The following PRKN variants were observed in gnomAD, a reference collection of about 807,000 sequenced individuals.
PRKN encodes the protein parkin RBR E3 ubiquitin protein ligase.
A neutral mutation model predicts 59.5 loss-of-function variants in PRKN; 56 were observed. The observed-to-expected ratio is 0.94, with a 90% CI of 0.76 to 1.18. The LOEUF (loss-of-function observed/expected upper bound fraction) is 1.18. Among genes scored for constraint, PRKN ranks in the 50% most tolerant of loss-of-function variants. The pLI is 0.00. For missense variants in PRKN, 657 were observed against 596.4 expected (o/e 1.10, Z -1.06); for synonymous variants, 250 against 222.1 (o/e 1.13, Z -1.12).
At chr6:161,877,369 C>T (rs968907816) in intron 6 of PRKN, among the ~76,000 whole-genome samples, 5 of 152,126 alleles carry the variant, frequency 3.3e-5, no homozygotes, top group South Asian at 4.2e-4. Context: ...TCCAGGGAAA[C>T]ACCTCTCCAA....
At chr6:162,487,790 G>A (rs560396964) in intron 1 of PRKN, among the ~76,000 whole-genome samples, 3 of 151,844 alleles carry the variant, frequency 2.0e-5, no homozygotes, top group Non-Finnish European at 4.4e-5. Flanking sequence ...ATAAAATAAC[G>A]CCTGGCTGGG....
chr6:162,114,948 G>A (rs1422298690), intron 4 of PRKN, among the ~76,000 whole-genome samples: 1 of 151,636 alleles, frequency 6.6e-6, no homozygotes, highest in Non-Finnish European at 1.5e-5. Flanking sequence ...GATTCCTCAG[G>A]GATCTAGAAC....
chr6:162,624,413 C>T (rs1412057249), intron 1 of PRKN: 1 of 152,082 alleles, frequency 6.6e-6, no homozygotes, highest in Non-Finnish European at 1.5e-5. Context: ...ATTTGTTTAA[C>T]ATTTCCATGT....
chr6:161,572,654 C>G (rs192689181), intron 7 of PRKN, among the ~76,000 whole-genome samples: 1 of 139,964 alleles, frequency 7.1e-6, no homozygotes, highest in Admixed American at 6.9e-5. Context: ...CAGCAAGACT[C>G]TGTCTCAATA....
chr6:161,973,321 T>C lies in PRKN; in HGVS notation c.715A>G (p.Ile239Val), dbSNP rs1476658565. Residue 239 changes from isoleucine to valine, a missense_variant, in exon 6 of 12, where the codon ATT (isoleucine) becomes GTT (valine). By Grantham distance (29) the Ile-to-Val change is conservative (BLOSUM62 3). Transcript: ENST00000366898. ...CCTTACCTGACGTCTGTGCACGTAA[T>C]GCAAGTGATGTTCCGACTATTTGTT... ...IATNSRNITCITCTDVRSPVL... is the reference protein window; with the variant it reads ...IATNSRNITCVTCTDVRSPVL... 3.7e-6 allele frequency: 6 copies of C among 1,612,136 alleles called. No individual in the cohort carries two copies. In the African/African-American group the frequency reaches 4.0e-5, roughly 11 times the overall value.
intron 9 of PRKN, among the ~76,000 whole-genome samples, chr6:161,491,291 C>A (rs1260357875): frequency 6.6e-6 from 1 of 152,166 alleles, no homozygotes; most frequent in Non-Finnish European, 1.5e-5. Context: ...GGATCGTACT[C>A]ATTCATTTCC....
chr6:162,233,100 A>G (rs984695125), intron 3 of PRKN, among the ~76,000 whole-genome samples: 7 of 152,212 alleles, frequency 4.6e-5, no homozygotes, highest in African/African-American at 1.4e-4. Context: ...CCATTGATAG[A>G]GTCCTATAGT....
At chr6:162,678,644 G>T (rs1028654636) in intron 1 of PRKN, among the ~76,000 whole-genome samples, 1 of 152,162 alleles carries the variant, frequency 6.6e-6, no homozygotes, top group Admixed American at 6.5e-5. Flanking sequence ...TTATTGGGTT[G>T]TTTTAGTATT....
chr6:161,619,022 AGCAGATGCTCTTCACTTGGAAGAG>A (rs1484296150), intron 7 of PRKN, among the ~76,000 whole-genome samples: 6 of 152,148 alleles, frequency 3.9e-5, no homozygotes, highest in Non-Finnish European at 8.8e-5. Context: ...GGCAGAGGGC[AGCAGATGCTCTTCACTTGGAAGAG>A]ACAGAAAGTC....
intron 1 of PRKN, among the ~76,000 whole-genome samples, chr6:162,528,080 A>AGGGGGGG: frequency 3.7e-5 from 1 of 27,140 alleles, no homozygotes; most frequent in South Asian, 9.7e-4. Context: ...GGGGGGCGGG[A>AGGGGGGG]GGGGTGCGGG....
intron 7 of PRKN, among the ~76,000 whole-genome samples, chr6:161,700,627 G>A (rs1786213795): frequency 6.6e-6 from 1 of 152,102 alleles, no homozygotes; most frequent in Non-Finnish European, 1.5e-5. Flanking sequence ...TTTGTTTCCT[G>A]CCTGTGAGCA....
At chr6:162,172,986 A>G (rs1783358731) in intron 4 of PRKN, among the ~76,000 whole-genome samples, 1 of 152,152 alleles carries the variant, frequency 6.6e-6, no homozygotes, top group African/African-American at 2.4e-5. Context: ...GGGGTGAGAT[A>G]AGGGGTCCTG....
chr6:162,165,581 G>C (rs1782939754), intron 4 of PRKN, among the ~76,000 whole-genome samples: 1 of 149,580 alleles, frequency 6.7e-6, no homozygotes, highest in Non-Finnish European at 1.5e-5. Context: ...CAGTGAGTCT[G>C]AATGGAATGC....
rs562899176 is a variant in PRKN at position 162,492,796 on chromosome 6, C to CA, written c.8-49324dup. 4.9e-3 allele frequency among the ~76,000 whole-genome samples: 751 copies of CA among 151,738 alleles called. 8 individuals carry two copies. The highest frequency in any genetic ancestry group is 0.018 in the African/African-American group (727 of 41,422). On this transcript the variant is annotated intron_variant, in intron 1 of 11. Transcript: ENST00000366898. Reference sequence around the variant, plus strand: ...GAAACTCTGTCTCTACTAAAAAATACAAAAAAATTAGCCAGGTGTGGTGAC... The same window carrying CA: ...GAAACTCTGTCTCTACTAAAAAATACAAAAAAAATTAGCCAGGTGTGGTGAC...
intron 1 of PRKN, among the ~76,000 whole-genome samples, chr6:162,641,435 A>T (rs1284375493): frequency 6.6e-6 from 1 of 151,988 alleles, no homozygotes; most frequent in Non-Finnish European, 1.5e-5. Flanking sequence ...CTGAATTAGG[A>T]TGGAACCATG....
intron 4 of PRKN, among the ~76,000 whole-genome samples, chr6:162,057,543 C>T (rs764773561): frequency 1.1e-4 from 16 of 152,132 alleles, no homozygotes; most frequent in African/African-American, 2.9e-4. Flanking sequence ...ATGATACCTA[C>T]GACCTTGATC....
At position 162,231,026 on chromosome 6, in the gene PRKN, A is replaced by C. The variant is rs567556316; in HGVS notation, c.413-29774T>G. On this transcript the variant is annotated intron_variant, in intron 3 of 11. Transcript: ENST00000366898. ...GTACGACAAATGCTGGAGGTGCTGA[A>C]GGCATTCCATAGATAGCTTATCAGC... Among the ~76,000 whole-genome samples, 3 of 152,182 alleles carry C rather than the reference A, an allele frequency of 2.0e-5. No individual in the cohort carries two copies. In the East Asian group the frequency reaches 5.8e-4, roughly 29 times the overall value.
chr6:162,076,037 C>T (rs1778812513), intron 4 of PRKN, among the ~76,000 whole-genome samples: 1 of 149,012 alleles, frequency 6.7e-6, no homozygotes, highest in Admixed American at 6.7e-5. Context: ...GGCATGACCT[C>T]GGCTTACTGC....
At chr6:162,381,728 C>A (rs1338363629) in intron 2 of PRKN, among the ~76,000 whole-genome samples, 2 of 152,180 alleles carry the variant, frequency 1.3e-5, no homozygotes, top group Non-Finnish European at 2.9e-5. Context: ...GCACTTTTTT[C>A]TGATTTTTTT....
Sources: allele counts gnomAD v4.1 joint callset (sites outside exome capture counted in the v4.1 genomes callset), GRCh38; gene constraint gnomAD v4.1.1; transcripts MANE v1.5; gene names NCBI Gene and HGNC (gene_info 2026-07-23, HGNC 2026-07-21).